PARD3: variants seen among roughly 807,000 people sequenced by gnomAD.
The protein encoded by PARD3 is partitioning defective 3 homolog.
PARD3 carries 75 observed loss-of-function variants against 155.4 expected under a neutral mutation model. The observed-to-expected ratio is 0.48, with a 90% CI of 0.40 to 0.58. The LOEUF is 0.58. Among genes scored for constraint, PARD3 ranks in the 20% least tolerant of loss-of-function variants. PARD3 has a pLI of 0.00. For synonymous variants in PARD3, 576 were observed against 610.5 expected (o/e 0.94, Z 0.83); for missense variants, 1,642 against 1,721.7 (o/e 0.95, Z 0.82).
intron 5 of PARD3, among the ~76,000 whole-genome samples, chr10:34,423,967 AG>A (rs2075453408): frequency 6.6e-6 from 1 of 152,218 alleles, no homozygotes; most frequent in African/African-American, 2.4e-5. Flanking sequence ...ACTTATTCAT[AG>A]GAAGTCCCCA....
intron 2 of PARD3, among the ~76,000 whole-genome samples, chr10:34,658,393 G>A (rs1371962819): frequency 6.6e-6 from 1 of 152,058 alleles, no homozygotes; most frequent in East Asian, 1.9e-4. Context: ...TTAATATAAG[G>A]AAGAGGGTAA....
chr10:34,259,935 C>T (rs1441391920), intron 22 of PARD3, among the ~76,000 whole-genome samples: 1 of 152,158 alleles, frequency 6.6e-6, no homozygotes, highest in African/African-American at 2.4e-5. Context: ...CTTCGAACTC[C>T]TGGACTCAAT....
At chr10:34,791,921 C>T (rs1309292934) in intron 1 of PARD3, among the ~76,000 whole-genome samples, 2 of 152,052 alleles carry the variant, frequency 1.3e-5, no homozygotes, top group African/African-American at 4.8e-5. Flanking sequence ...CCTCCTCTGA[C>T]CCAAGGGCCT....
At chr10:34,576,991 T>C (rs1051103931) in intron 2 of PARD3, among the ~76,000 whole-genome samples, 6 of 152,184 alleles carry the variant, frequency 3.9e-5, no homozygotes, top group African/African-American at 1.2e-4. Context: ...ATAATTCCCG[T>C]TGAGAGTGTG....
chr10:34,338,103 G>A (rs1836392595), intron 16 of PARD3, among the ~76,000 whole-genome samples: 1 of 152,240 alleles, frequency 6.6e-6, no homozygotes, highest in African/African-American at 2.4e-5. Context: ...CCAGAAGTCT[G>A]AAACAGATGC....
intron 22 of PARD3, among the ~76,000 whole-genome samples, chr10:34,166,353 T>C (rs1949525600): frequency 6.6e-6 from 1 of 151,920 alleles, no homozygotes; most frequent in African/African-American, 2.4e-5. Flanking sequence ...TGGCTCACAC[T>C]TGTAATCCCA....
intron 15 of PARD3, chr10:34,345,700 G>T (rs775354284): frequency 1.0e-6 from 1 of 985,228 alleles, no homozygotes; most frequent in Non-Finnish European, 1.2e-6. Context: ...GTTCAGAAAC[G>T]GTGTGATTTG....
At chr10:34,392,493 A>C (rs1842945168) in intron 7 of PARD3, among the ~76,000 whole-genome samples, 2 of 152,214 alleles carry the variant, frequency 1.3e-5, no homozygotes, top group South Asian at 4.1e-4. Flanking sequence ...ATATCTGCCA[A>C]CATGAGTCAG....
intron 1 of PARD3, among the ~76,000 whole-genome samples, chr10:34,734,698 C>A (rs1265754183): frequency 6.6e-6 from 1 of 152,042 alleles, no homozygotes; most frequent in Non-Finnish European, 1.5e-5. Flanking sequence ...AATTAGGTCC[C>A]TACCTTACCA....
chr10:34,490,828 A>G (rs913966681), intron 3 of PARD3, among the ~76,000 whole-genome samples: 1 of 152,220 alleles, frequency 6.6e-6, no homozygotes, highest in Admixed American at 6.5e-5. Context: ...ACACTTCACC[A>G]GTCATTAAAA....
At chr10:34,467,234 G>A (rs1343654350) in intron 4 of PARD3, among the ~76,000 whole-genome samples, 1 of 151,738 alleles carries the variant, frequency 6.6e-6, no homozygotes, top group Non-Finnish European at 1.5e-5. Context: ...TTAAAATATT[G>A]ATAATAAAAT....
At chr10:34,364,622 C>A (rs1839790703) in intron 12 of PARD3, among the ~76,000 whole-genome samples, 1 of 152,066 alleles carries the variant, frequency 6.6e-6, no homozygotes, top group Admixed American at 6.6e-5. Context: ...TTTGTAGAGA[C>A]AGGGTCTTGA....
chr10:34,145,700 CT>C lies in PARD3; in HGVS notation c.3420-14118del, dbSNP rs756507862. The stretch of plus-strand genomic sequence containing the variant: ...TTCACAGAATTACTGTTTATAATTC[CT>C]TAATATTTTTCTCTTCTCTTAATTT... On this transcript the variant is annotated intron_variant, in intron 22 of 24. Coordinates refer to ENST00000374788, the MANE Select transcript of PARD3 (RefSeq NM_001184785.2). Among the ~76,000 whole-genome samples, 11 of 151,986 alleles carry C rather than the reference CT, an allele frequency of 7.2e-5. No homozygotes were observed. In the East Asian group the frequency reaches 1.9e-3, roughly 27 times the overall value.
At chr10:34,358,965 G>C (rs761500588) in intron 14 of PARD3, among the ~76,000 whole-genome samples, 182 bp downstream of exon 14, 3 of 152,120 alleles carry the variant, frequency 2.0e-5, no homozygotes, top group Non-Finnish European at 4.4e-5. Context: ...GGAATATGTT[G>C]ATCACAAGAA....
chr10:34,758,489 A>G (rs1336004656), intron 1 of PARD3, among the ~76,000 whole-genome samples: 1 of 152,202 alleles, frequency 6.6e-6, no homozygotes, highest in Non-Finnish European at 1.5e-5. Flanking sequence ...AATGAAGGAT[A>G]TTAGGAGAGG....
At chr10:34,548,377 T>C (rs1291873418) in intron 2 of PARD3, among the ~76,000 whole-genome samples, 1 of 151,916 alleles carries the variant, frequency 6.6e-6, no homozygotes, top group Non-Finnish European at 1.5e-5. Context: ...TACATGACTG[T>C]AGTCCCAGCT....
intron 5 of PARD3, among the ~76,000 whole-genome samples, chr10:34,436,069 C>T (rs1024329275): frequency 3.3e-5 from 5 of 152,016 alleles, no homozygotes; most frequent in East Asian, 1.9e-4. Context: ...GAATCAAATA[C>T]GAAATTTAGA....
At chr10:34,217,763 A>T (rs773836854) in intron 22 of PARD3, among the ~76,000 whole-genome samples, 9 of 152,118 alleles carry the variant, frequency 5.9e-5, no homozygotes, top group Non-Finnish European at 1.3e-4. Flanking sequence ...CTGAATTCCT[A>T]TTGCAGGTCA....
chr10:34,681,666 A>C (rs1327565779), intron 2 of PARD3, among the ~76,000 whole-genome samples: 1 of 138,564 alleles, frequency 7.2e-6, no homozygotes, highest in Non-Finnish European at 1.5e-5. Context: ...TATACATGTT[A>C]TATATAATAT....
Sources: gnomAD v4.1 joint callset for allele counts (sites outside exome capture counted in the v4.1 genomes callset) on GRCh38, gnomAD v4.1.1 for gene constraint, MANE v1.5 for transcripts, NCBI Gene and HGNC (gene_info 2026-07-23, HGNC 2026-07-21) for gene names.